The following APBA1 variants were observed in gnomAD, a reference collection of about 807,000 sequenced individuals.
APBA1 encodes the protein amyloid-beta A4 precursor protein-binding family A member 1.
In APBA1, 55 loss-of-function variants were observed where a neutral mutation model predicts 86.6. The observed-to-expected ratio is 0.64, with a 90% CI of 0.51 to 0.80. The LOEUF (loss-of-function observed/expected upper bound fraction) is 0.80. Among genes scored for constraint, APBA1 ranks in the 30% least tolerant of loss-of-function variants. The probability of loss-of-function intolerance (pLI) is 0.00; values close to 1 mark genes in which losing one functional copy is unlikely to be tolerated. For synonymous variants in APBA1, 511 were observed against 493.9 expected, an observed-to-expected ratio of 1.03 and a Z score of -0.46; for missense variants, 1,090 against 1,183.0, an observed-to-expected ratio of 0.92 and a Z score of 1.15.
chr9:69,655,454 G>C (rs950937988), intron 1 of APBA1, among the ~76,000 whole-genome samples: 1 of 150,698 alleles, frequency 6.6e-6, no homozygotes, highest in East Asian at 1.9e-4. Flanking sequence ...CAAACTATTC[G>C]AAAAAAAATC....
chr9:69,466,072 G>A (rs953024872), intron 5 of APBA1, among the ~76,000 whole-genome samples: 1 of 152,194 alleles, frequency 6.6e-6, no homozygotes, highest in African/African-American at 2.4e-5. Context: ...AAAAGTTACG[G>A]CATGGGCTTT....
intron 5 of APBA1, among the ~76,000 whole-genome samples, chr9:69,458,722 A>C (rs1251989032): frequency 6.6e-6 from 1 of 151,854 alleles, no homozygotes; most frequent in Non-Finnish European, 1.5e-5. Flanking sequence ...TCAAATTTCC[A>C]CTGCAATTTC....
intron 1 of APBA1, among the ~76,000 whole-genome samples, chr9:69,648,435 T>C (rs1219055557): frequency 1.3e-5 from 2 of 152,192 alleles, no homozygotes; most frequent in Admixed American, 6.5e-5. Context: ...TTTATGAACA[T>C]TTTACACACA....
Position 69,516,097 on chromosome 9 carries a change from CG to C in APBA1, c.1113del (p.Asp372ThrfsTer84). 2 of 1,613,274 alleles carry C rather than the reference CG, an allele frequency of 1.2e-6. No homozygotes were observed. Among genetic ancestry groups the C allele is most frequent in the Non-Finnish European group, 1.7e-6 (2 of 1,179,580 alleles). On this transcript the variant is annotated frameshift_variant, in exon 2 of 13. Transcript: ENST00000265381. LOFTEE classifies it high-confidence loss of function. The surrounding 1 kb of genome is among the most constrained non-coding windows in gnomAD (Gnocchi z 7.3). ...ACCCAGATGGGCTCTTTGGGCTCGT[CG>C]GGGGTGTAAGGCGAACGGATGGTCC... Reference protein sequence around the residue: ...KTRTIRSPYTPDEPKEPIWVM... With the variant: ...KTRTIRSPYTXDEPKEPIWVM...
At chr9:69,443,484 T>C (rs1588286470) in intron 10 of APBA1, among the ~76,000 whole-genome samples, 1 of 152,224 alleles carries the variant, frequency 6.6e-6, no homozygotes, top group Admixed American at 6.5e-5. Context: ...CCAGTCACTA[T>C]ACAGCTGACC....
intron 1 of APBA1, among the ~76,000 whole-genome samples, chr9:69,542,030 T>C (rs1836621430): frequency 6.6e-6 from 1 of 152,102 alleles, no homozygotes; most frequent in Non-Finnish European, 1.5e-5. Flanking sequence ...TTGAAAATAG[T>C]TTAAAAATAT....
At chr9:69,470,459 G>A (rs78880543) in intron 4 of APBA1, among the ~76,000 whole-genome samples, 2,371 of 152,076 alleles carry the variant, frequency 0.016, 72 homozygotes, top group African/African-American at 0.054. Context: ...ATATGAAGAC[G>A]GGAGCTTTCA....
At chr9:69,551,420 G>GC (rs550281542) in intron 1 of APBA1, among the ~76,000 whole-genome samples, 2 of 152,018 alleles carry the variant, frequency 1.3e-5, no homozygotes, top group Non-Finnish European at 2.9e-5. Flanking sequence ...GGGCGTGGTG[G>GC]CACACGCCTG....
intron 8 of APBA1, among the ~76,000 whole-genome samples, chr9:69,453,772 G>C (rs1294419806): frequency 6.6e-6 from 1 of 152,244 alleles, no homozygotes; most frequent in Non-Finnish European, 1.5e-5. Context: ...GGCAAAATCT[G>C]TAAGATTCAT....
chr9:69,512,600 A>G (rs1012380999), intron 2 of APBA1, among the ~76,000 whole-genome samples: 8 of 152,174 alleles, frequency 5.3e-5, no homozygotes, highest in Non-Finnish European at 1.0e-4. Flanking sequence ...TTTTGTTAAA[A>G]CTTTATCTGT....
intron 1 of APBA1, among the ~76,000 whole-genome samples, chr9:69,526,103 A>G (rs1354667158): frequency 6.6e-6 from 1 of 152,136 alleles, no homozygotes; most frequent in African/African-American, 2.4e-5. Context: ...AAACTATAAG[A>G]CTTCTAGAAG....
intron 1 of APBA1, among the ~76,000 whole-genome samples, chr9:69,518,266 A>G (rs942351020): frequency 6.6e-6 from 1 of 152,222 alleles, no homozygotes; most frequent in Admixed American, 6.5e-5. Context: ...GGATGTGCAT[A>G]GATCATATGC....
intron 9 of APBA1, among the ~76,000 whole-genome samples, chr9:69,450,330 G>A (rs1000300915): frequency 6.6e-6 from 1 of 152,050 alleles, no homozygotes; most frequent in African/African-American, 2.4e-5. Context: ...CAAAAGGCTG[G>A]GTGTGCACAC....
chr9:69,581,848 C>T (rs1821918046), intron 1 of APBA1, among the ~76,000 whole-genome samples: 1 of 152,086 alleles, frequency 6.6e-6, no homozygotes, highest in African/African-American at 2.4e-5. Flanking sequence ...AGGACAAGGG[C>T]CTGGCTTCCC....
At chr9:69,598,610 C>G (rs1440801549) in intron 1 of APBA1, among the ~76,000 whole-genome samples, 1 of 152,060 alleles carries the variant, frequency 6.6e-6, no homozygotes, top group Non-Finnish European at 1.5e-5. Flanking sequence ...GTCCCTGCAT[C>G]TTGAACAGAA....
At chr9:69,607,752 C>G (rs936326727) in intron 1 of APBA1, among the ~76,000 whole-genome samples, 1 of 152,090 alleles carries the variant, frequency 6.6e-6, no homozygotes, top group East Asian at 1.9e-4. Context: ...GTAAGACTAA[C>G]TAGTGTTTAG....
At chr9:69,451,271 G>A (rs1170419304) in intron 9 of APBA1, among the ~76,000 whole-genome samples, 1 of 152,172 alleles carries the variant, frequency 6.6e-6, no homozygotes, top group Non-Finnish European at 1.5e-5. Flanking sequence ...CATCCCTTCT[G>A]TTCTGAGGCA....
chr9:69,525,503 A>C (rs963401552), intron 1 of APBA1, among the ~76,000 whole-genome samples: 3 of 148,824 alleles, frequency 2.0e-5, no homozygotes, highest in Admixed American at 1.3e-4. Context: ...CCCACCCCCC[A>C]AAAATCTAGG....
intron 1 of APBA1, among the ~76,000 whole-genome samples, chr9:69,571,249 T>A (rs1837110039): frequency 6.6e-6 from 1 of 152,192 alleles, no homozygotes; most frequent in Admixed American, 6.5e-5. Context: ...AAAGGAGAAA[T>A]TGCCCATAAC....
Sources: allele counts gnomAD v4.1 joint callset (sites outside exome capture counted in the v4.1 genomes callset), GRCh38; gene constraint gnomAD v4.1.1; non-coding constraint Gnocchi (gnomAD v3.1); transcripts MANE v1.5; gene names NCBI Gene and HGNC (gene_info 2026-07-23, HGNC 2026-07-21).